The following PDZRN3 variants were observed in gnomAD, a reference collection of about 807,000 sequenced individuals.
PDZRN3 encodes PDZ domain containing ring finger 3.
Under a neutral mutation model 85.7 loss-of-function variants are expected in PDZRN3, and 38 were observed. The ratio of observed to expected loss-of-function variants is 0.44; its 90% CI spans 0.34 to 0.58. PDZRN3 has a LOEUF of 0.58. Ranked by LOEUF, PDZRN3 falls within the 20% of genes least tolerant of loss-of-function variation. PDZRN3 has a pLI of 0.01. For synonymous variants in PDZRN3, 759 were observed against 638.0 expected (o/e 1.19, Z -2.86); for missense variants, 1,629 against 1,506.4 (o/e 1.08, Z -1.35).
intron 3 of PDZRN3, among the ~76,000 whole-genome samples, chr3:73,449,373 A>G (rs1702813390): frequency 6.6e-6 from 1 of 152,102 alleles, no homozygotes; most frequent in African/African-American, 2.4e-5. Flanking sequence ...CTTTAAAAAA[A>G]AAAAGAGAGA....
intron 3 of PDZRN3, among the ~76,000 whole-genome samples, chr3:73,597,485 C>T (rs1440941919): frequency 6.6e-6 from 1 of 152,106 alleles, no homozygotes; most frequent in African/African-American, 2.4e-5. Flanking sequence ...GGGCTTAAGT[C>T]TCCCACTTTC....
intron 3 of PDZRN3, among the ~76,000 whole-genome samples, chr3:73,427,641 G>C (rs527854551): frequency 6.6e-6 from 1 of 152,214 alleles, no homozygotes; most frequent in Non-Finnish European, 1.5e-5. Flanking sequence ...ACGTGCAGCT[G>C]TATCTGTGGA....
intron 3 of PDZRN3, among the ~76,000 whole-genome samples, chr3:73,582,007 A>G (rs4330212): frequency 0.57 from 86,332 of 151,826 alleles, 24,650 homozygotes; most frequent in Admixed American, 0.6. Flanking sequence ...GGCTGATGTG[A>G]GAGGATCACT....
At position 73,388,065 on chromosome 3, in the gene PDZRN3, T is replaced by A; in HGVS notation, c.1421A>T (p.Asn474Ile). The change falls in exon 8 of 10, where the codon AAT becomes ATT. Residue 474 changes from asparagine to isoleucine, a missense_variant. By Grantham distance (149) the Asn-to-Ile change is moderately radical. Coordinates refer to ENST00000263666, the MANE Select transcript of PDZRN3 (RefSeq NM_015009.3). ...TTCACGGTTCTGCACCTCTATCCCA[T>A]TAATCTTTTAAAAAAAAAGGGGGGG... ...IREGDRIIQI[N>I]GIEVQNREEA... The A allele has an allele frequency of 8.9e-7, 1 of 1,126,764 alleles. No homozygotes were observed. The highest frequency in any genetic ancestry group is 1.2e-6 in the Non-Finnish European group (1 of 827,898). 69.8% of individuals were successfully genotyped at this position (1,126,764 alleles called of 1,614,324 possible).
chr3:73,598,096 A>G (rs2106889946), intron 3 of PDZRN3, among the ~76,000 whole-genome samples: 1 of 152,354 alleles, frequency 6.6e-6, no homozygotes, highest in Non-Finnish European at 1.5e-5. Flanking sequence ...GGCCTAAAGT[A>G]GACTCCAGAG....
rs543696340 is a variant in PDZRN3, at chr3:73,524,365, AT to A, written c.918+77988del. On this transcript the variant is annotated intron_variant, in intron 3 of 9. Transcript: ENST00000263666. ...AAGCTTAAAAACCACAGTGATGCATATTACCACCAGCTATCAAGGCAATCAC... is the reference window on the plus strand; with the variant it reads ...AAGCTTAAAAACCACAGTGATGCATATACCACCAGCTATCAAGGCAATCAC... 5.3e-5 allele frequency among the ~76,000 whole-genome samples: 8 copies of A among 152,338 alleles called. No homozygotes were observed. The East Asian group carries it at 1.3e-3, about 26-fold the overall frequency.
chr3:73,484,283 T>C (rs992531122), intron 3 of PDZRN3, among the ~76,000 whole-genome samples: 4 of 152,202 alleles, frequency 2.6e-5, no homozygotes, highest in East Asian at 1.9e-4. Context: ...TTGAGGTATA[T>C]TGACATTTGA....
intron 3 of PDZRN3, among the ~76,000 whole-genome samples, chr3:73,568,423 T>A (rs1206316126): frequency 1.3e-5 from 2 of 152,198 alleles, no homozygotes; most frequent in Non-Finnish European, 2.9e-5. Flanking sequence ...AGCAGTAAAA[T>A]TAAAACTAGT....
chr3:73,553,843 T>C (rs1559735356), intron 3 of PDZRN3, among the ~76,000 whole-genome samples: 1 of 152,076 alleles, frequency 6.6e-6, no homozygotes, highest in African/African-American at 2.4e-5. Context: ...GAGGAAGGCA[T>C]GGACAGGGTG....
At chr3:73,606,887 A>G (rs1215259249) in intron 2 of PDZRN3, among the ~76,000 whole-genome samples, 2 of 152,220 alleles carry the variant, frequency 1.3e-5, no homozygotes, top group Non-Finnish European at 2.9e-5. Context: ...TCTTTGTGTC[A>G]TTCCCTTCAA....
At chr3:73,603,246 C>G (rs2106897637) in intron 2 of PDZRN3, among the ~76,000 whole-genome samples, 1 of 152,292 alleles carries the variant, frequency 6.6e-6, no homozygotes, top group South Asian at 2.1e-4. Context: ...CACTCTAGTC[C>G]TAATAAATTC....
At chr3:73,413,137 T>C (rs1702006516) in intron 3 of PDZRN3, among the ~76,000 whole-genome samples, 1 of 152,176 alleles carries the variant, frequency 6.6e-6, no homozygotes, top group Non-Finnish European at 1.5e-5. Flanking sequence ...TTAGACAAAT[T>C]TTCTAGCCTC....
At chr3:73,622,586 C>G (rs879376206) in intron 1 of PDZRN3, among the ~76,000 whole-genome samples, 6 of 152,164 alleles carry the variant, frequency 3.9e-5, no homozygotes, top group Admixed American at 3.9e-4. Flanking sequence ...TGGATTGTCA[C>G]GACTTGGGAG....
chr3:73,591,940 C>G (rs1171170223), intron 3 of PDZRN3, among the ~76,000 whole-genome samples: 1 of 152,112 alleles, frequency 6.6e-6, no homozygotes, highest in Non-Finnish European at 1.5e-5. Context: ...TCTGGGTATC[C>G]TGACCTATCT....
intron 9 of PDZRN3, among the ~76,000 whole-genome samples, chr3:73,385,266 C>T (rs1701348009): frequency 6.6e-6 from 1 of 152,182 alleles, no homozygotes; most frequent in Admixed American, 6.5e-5. Flanking sequence ...TCAATAAGGA[C>T]TCAATAAGTG....
intron 3 of PDZRN3, among the ~76,000 whole-genome samples, chr3:73,526,176 A>C (rs1704519884): frequency 6.6e-6 from 1 of 152,220 alleles, no homozygotes; most frequent in Non-Finnish European, 1.5e-5. Flanking sequence ...TGATGATGCA[A>C]GGAAAGCACT....
chr3:73,413,059 G>C lies in PDZRN3; in HGVS notation c.919-8664C>G, dbSNP rs527330971. 1.9e-4 allele frequency among the ~76,000 whole-genome samples: 29 copies of C among 152,308 alleles called. 1 individual carries two copies. The highest frequency in any genetic ancestry group is 6.7e-4 in the African/African-American group (28 of 41,560). ...AGTACATGCTTCATAGGTGATACCT[G>C]AATGATGTAATTAAAGTAAAGCTCT... On this transcript the variant is annotated intron_variant, in intron 3 of 9. Transcript: ENST00000263666.
intron 3 of PDZRN3, among the ~76,000 whole-genome samples, chr3:73,428,719 C>T (rs1036901740): frequency 5.3e-5 from 8 of 152,172 alleles, no homozygotes; most frequent in African/African-American, 9.7e-5. Context: ...CACCCTAGGT[C>T]GTTTCTTTTC....
At chr3:73,506,435 C>T (rs111499738) in intron 3 of PDZRN3, among the ~76,000 whole-genome samples, 1 of 152,096 alleles carries the variant, frequency 6.6e-6, no homozygotes, top group Non-Finnish European at 1.5e-5. Context: ...AACAGCCCAG[C>T]CCAGTAACAG....
Sources: gnomAD v4.1 joint callset for allele counts (sites outside exome capture counted in the v4.1 genomes callset) on GRCh38, gnomAD v4.1.1 for gene constraint, MANE v1.5 for transcripts, NCBI Gene and HGNC (gene_info 2026-07-23, HGNC 2026-07-21) for gene names.